TMTC2: variants seen among roughly 807,000 people sequenced by gnomAD.
The protein encoded by TMTC2 is transmembrane O-mannosyltransferase targeting cadherins 2, also known as protein O-mannosyl-transferase TMTC2.
Under a neutral mutation model 82.4 loss-of-function variants are expected in TMTC2, and 43 were observed. That is an observed-to-expected ratio of 0.52 (90% confidence interval 0.41 to 0.67). The LOEUF (loss-of-function observed/expected upper bound fraction) is 0.67. Among genes scored for constraint, TMTC2 ranks in the 30% least tolerant of loss-of-function variants. TMTC2 has a pLI of 0.00. For missense variants in TMTC2, 919 were observed against 1,012.4 expected (o/e 0.91, Z 1.25); for synonymous variants, 408 against 381.9 (o/e 1.07, Z -0.80).
intron 1 of TMTC2, among the ~76,000 whole-genome samples, chr12:82,747,630 C>T (rs973304148): frequency 5.9e-5 from 9 of 152,160 alleles, no homozygotes; most frequent in Admixed American, 2.0e-4. Flanking sequence ...TTGACTTACT[C>T]GTTAGGCAAT....
intron 4 of TMTC2, among the ~76,000 whole-genome samples, chr12:82,941,496 G>A (rs1330106282): frequency 6.6e-6 from 1 of 152,136 alleles, no homozygotes; most frequent in Non-Finnish European, 1.5e-5. Context: ...TCTAATAACT[G>A]GATATAAATC....
chr12:82,708,070 G>A (rs955724757), intron 1 of TMTC2, among the ~76,000 whole-genome samples: 5 of 152,090 alleles, frequency 3.3e-5, no homozygotes, highest in Admixed American at 6.5e-5. Flanking sequence ...AACCAGCCAC[G>A]CCCATTCATT....
chr12:82,749,768 C>G (rs112252241), intron 1 of TMTC2, among the ~76,000 whole-genome samples: 33 of 125,448 alleles, frequency 2.6e-4, no homozygotes, highest in African/African-American at 1.0e-3. Flanking sequence ...GGCGGAGTCT[C>G]GCTTTGTTGC....
At chr12:83,027,969 T>A (rs1881251590) in intron 8 of TMTC2, among the ~76,000 whole-genome samples, 1 of 152,212 alleles carries the variant, frequency 6.6e-6, no homozygotes, top group Admixed American at 6.6e-5. Flanking sequence ...GCTTCTTTTT[T>A]AAATCTTTGC....
intron 1 of TMTC2, among the ~76,000 whole-genome samples, chr12:82,745,959 TG>T (rs1332074758): frequency 6.6e-6 from 1 of 152,210 alleles, no homozygotes; most frequent in African/African-American, 2.4e-5. Context: ...GCTTTTTACG[TG>T]GGCAGTTTGT....
chr12:83,005,203 T>A (rs1880126993), intron 8 of TMTC2, among the ~76,000 whole-genome samples: 1 of 25,840 alleles, frequency 3.9e-5, no homozygotes, highest in African/African-American at 1.6e-4. Flanking sequence ...GACTTTGTCT[T>A]ATTAAAAAAA....
intron 2 of TMTC2, among the ~76,000 whole-genome samples, chr12:82,867,796 A>G (rs1433187382): frequency 6.6e-6 from 1 of 152,208 alleles, no homozygotes; most frequent in East Asian, 1.9e-4. Context: ...ATGATCCACT[A>G]TATGTAGTCT....
chr12:82,753,658 A>G (rs770836916), intron 1 of TMTC2, among the ~76,000 whole-genome samples: 2 of 152,232 alleles, frequency 1.3e-5, no homozygotes, highest in Non-Finnish European at 2.9e-5. Context: ...AGAAGTTTAG[A>G]TATAACTTGT....
chr12:82,930,590 G>A, intron 4 of TMTC2, 45 bp downstream of exon 4: 1 of 1,165,864 alleles, frequency 8.6e-7, no homozygotes, highest in Non-Finnish European at 1.3e-6. Context: ...TTTGAAACCT[G>A]CAGTGAGAGG....
Position 82,895,987 on chromosome 12 carries a change from A to G in TMTC2, c.824A>G (p.Tyr275Cys). The change falls in exon 3 of 12, where the codon TAC (tyrosine) becomes TGC (cysteine). Residue 275 changes from tyrosine to cysteine, a missense_variant. Tyr to Cys is a radical substitution (Grantham distance 194). Transcript: ENST00000321196. ...CTCACCCGCACTCTCACCTTCTTCT[A>G]CTTGCCAACCAAGAACCTCTGGCTG... ...SLLTRTLTFFYLPTKNLWLLL... is the reference protein window; with the variant it reads ...SLLTRTLTFFCLPTKNLWLLL... 6.2e-7 allele frequency: 1 copy of G among 1,613,734 alleles called. No homozygotes were observed. The highest frequency in any genetic ancestry group is 8.5e-7 in the Non-Finnish European group (1 of 1,179,974).
chr12:82,837,771 A>C (rs555753111), intron 1 of TMTC2, among the ~76,000 whole-genome samples: 2 of 152,182 alleles, frequency 1.3e-5, no homozygotes, highest in African/African-American at 4.8e-5. Context: ...ATTGACTAAA[A>C]CAAAGTTGTG....
At chr12:82,696,465 C>A (rs1176615546) in intron 1 of TMTC2, among the ~76,000 whole-genome samples, 1 of 152,158 alleles carries the variant, frequency 6.6e-6, no homozygotes, top group African/African-American at 2.4e-5. Context: ...TAATAAAAAT[C>A]TTTTAAAGAT....
intron 8 of TMTC2, among the ~76,000 whole-genome samples, chr12:83,017,361 G>T (rs1880722376): frequency 6.6e-6 from 1 of 152,086 alleles, no homozygotes; most frequent in African/African-American, 2.4e-5. Flanking sequence ...TGAAACAGTG[G>T]GCATAGACAG....
chr12:82,789,679 T>C (rs1878361421), intron 1 of TMTC2, among the ~76,000 whole-genome samples: 1 of 152,314 alleles, frequency 6.6e-6, no homozygotes, highest in South Asian at 2.1e-4. Flanking sequence ...ACTTGTGTTA[T>C]TAATACTATA....
intron 3 of TMTC2, among the ~76,000 whole-genome samples, chr12:82,929,458 G>A (rs1408032489): frequency 6.6e-6 from 1 of 152,152 alleles, no homozygotes; most frequent in Non-Finnish European, 1.5e-5. Flanking sequence ...CTGAAGCACA[G>A]GAGTTTTAAA....
intron 1 of TMTC2, among the ~76,000 whole-genome samples, chr12:82,773,462 CTT>C (rs1156750613): frequency 3.6e-4 from 47 of 129,748 alleles, no homozygotes; most frequent in Admixed American, 4.6e-4. Flanking sequence ...AGTGATATTT[CTT>C]TTTTTTTTTT....
chr12:82,980,634 G>A (rs1288341466), intron 7 of TMTC2, among the ~76,000 whole-genome samples: 2 of 151,712 alleles, frequency 1.3e-5, no homozygotes, highest in Non-Finnish European at 3.0e-5. Context: ...ATTTGTGTGA[G>A]TCCTTTAGAA....
chr12:82,784,405 A>G (rs1878071598), intron 1 of TMTC2, among the ~76,000 whole-genome samples: 1 of 152,126 alleles, frequency 6.6e-6, no homozygotes, highest in Non-Finnish European at 1.5e-5. Flanking sequence ...TATTATGGTT[A>G]AGTATATCTC....
chr12:83,119,256 C>T (rs1161666157), intron 11 of TMTC2, among the ~76,000 whole-genome samples: 3 of 152,152 alleles, frequency 2.0e-5, no homozygotes, highest in Non-Finnish European at 4.4e-5. Flanking sequence ...TGTGCTCTTT[C>T]AGAGCTATTG....
Sources: allele counts gnomAD v4.1 joint callset (sites outside exome capture counted in the v4.1 genomes callset), GRCh38; gene constraint gnomAD v4.1.1; transcripts MANE v1.5; gene names NCBI Gene and HGNC (gene_info 2026-07-23, HGNC 2026-07-21).